PCDH9: variants seen among roughly 807,000 people sequenced by gnomAD.
The protein encoded by PCDH9 is protocadherin-9.
PCDH9 carries 24 observed loss-of-function variants against 70.6 expected under a neutral mutation model. That is an observed-to-expected ratio of 0.34 (90% CI 0.25 to 0.48). The LOEUF is 0.48. PCDH9 is among the 20% of genes least tolerant of loss of function. PCDH9 has a pLI of 0.99. For missense variants in PCDH9, 1,281 were observed against 1,503.6 expected, an observed-to-expected ratio of 0.85 and a Z score of 2.45; for synonymous variants, 562 against 558.5, an observed-to-expected ratio of 1.01 and a Z score of -0.09.
intron 4 of PCDH9, among the ~76,000 whole-genome samples, chr13:66,482,717 A>G (rs1470192929): frequency 6.6e-6 from 1 of 152,192 alleles, no homozygotes. Context: ...TTGCTATAAC[A>G]TGATTTACTT....
At chr13:66,796,747 C>A (rs765953920) in intron 3 of PCDH9, among the ~76,000 whole-genome samples, 2 of 151,802 alleles carry the variant, frequency 1.3e-5, no homozygotes, top group African/African-American at 4.8e-5. Context: ...AGCACAAAGC[C>A]TAGGAGATAT....
At position 67,195,916 on chromosome 13, in the gene PCDH9, G is replaced by T. The variant is rs574758668; in HGVS notation, c.3036+29489C>A. Among the ~76,000 whole-genome samples, 34 of 152,204 alleles carry T rather than the reference G, an allele frequency of 2.2e-4. No individual in the cohort carries two copies. In the South Asian group the frequency reaches 4.6e-3, roughly 20 times the overall value. On this transcript the variant is annotated intron_variant, in intron 2 of 4. Transcript: ENST00000377865. Reference sequence around the variant, plus strand: ...AACTGGTTTATAGGAATGGTTGCTCGACTTGATATGTTTACTAAACATTAT... The same window carrying T: ...AACTGGTTTATAGGAATGGTTGCTCTACTTGATATGTTTACTAAACATTAT...
chr13:66,386,660 GAAATATTCAT>G, intron 4 of PCDH9, among the ~76,000 whole-genome samples: 1 of 152,132 alleles, frequency 6.6e-6, no homozygotes, highest in East Asian at 1.9e-4. Flanking sequence ...GGGGTCCATA[GAAATATTCAT>G]ATAGTGATTG....
intron 4 of PCDH9, among the ~76,000 whole-genome samples, chr13:66,386,808 A>G (rs1956937412): frequency 6.6e-6 from 1 of 152,220 alleles, no homozygotes; most frequent in Non-Finnish European, 1.5e-5. Flanking sequence ...AATACCAGAC[A>G]GAGAACTAAA....
At chr13:66,542,908 G>A (rs2138661734) in intron 4 of PCDH9, among the ~76,000 whole-genome samples, 1 of 150,606 alleles carries the variant, frequency 6.6e-6, no homozygotes, top group East Asian at 1.9e-4. Context: ...TTAAAAAGGT[G>A]AGCCACATAG....
intron 2 of PCDH9, among the ~76,000 whole-genome samples, chr13:67,147,399 G>A (rs533810901): frequency 6.6e-6 from 1 of 152,280 alleles, no homozygotes; most frequent in East Asian, 1.9e-4. Flanking sequence ...CAGATATAAA[G>A]CTGGGAATGT....
chr13:66,957,222 T>C (rs1287437417), intron 2 of PCDH9, among the ~76,000 whole-genome samples: 1 of 152,178 alleles, frequency 6.6e-6, no homozygotes, highest in Non-Finnish European at 1.5e-5. Flanking sequence ...AATCCCAACA[T>C]CTTTCTGACA....
intron 4 of PCDH9, among the ~76,000 whole-genome samples, chr13:66,604,419 G>A (rs373827664): frequency 1.3e-5 from 2 of 152,050 alleles, no homozygotes; most frequent in East Asian, 3.9e-4. Flanking sequence ...TTCTGAGGAT[G>A]AGGCAAATAA....
chr13:66,635,526 C>T (rs949330820), intron 3 of PCDH9, among the ~76,000 whole-genome samples: 1 of 152,058 alleles, frequency 6.6e-6, no homozygotes, highest in Admixed American at 6.6e-5. Flanking sequence ...AGGTGACACA[C>T]TGGTTGGGTT....
At chr13:66,817,616 T>A (rs1345928550) in intron 3 of PCDH9, among the ~76,000 whole-genome samples, 1 of 152,144 alleles carries the variant, frequency 6.6e-6, no homozygotes, top group Non-Finnish European at 1.5e-5. Flanking sequence ...TAAATTTATT[T>A]TCATTTATTT....
At chr13:66,420,387 C>T (rs1360988011) in intron 4 of PCDH9, among the ~76,000 whole-genome samples, 2 of 152,188 alleles carry the variant, frequency 1.3e-5, no homozygotes, top group African/African-American at 4.8e-5. Flanking sequence ...GGAGACACCT[C>T]CCAGCAGGGG....
At chr13:67,163,622 G>T (rs1000772024) in intron 2 of PCDH9, among the ~76,000 whole-genome samples, 1 of 152,132 alleles carries the variant, frequency 6.6e-6, no homozygotes, top group Non-Finnish European at 1.5e-5. Flanking sequence ...TAATTCATAT[G>T]CCAGAGCAGA....
intron 4 of PCDH9, among the ~76,000 whole-genome samples, chr13:66,568,161 A>G (rs2076679329): frequency 6.6e-6 from 1 of 152,034 alleles, no homozygotes; most frequent in Non-Finnish European, 1.5e-5. Context: ...TCCTAATCAT[A>G]AGAAGAAGAA....
chr13:66,920,569 C>A (rs2082622313), intron 2 of PCDH9, among the ~76,000 whole-genome samples: 1 of 151,010 alleles, frequency 6.6e-6, no homozygotes, highest in Admixed American at 6.6e-5. Context: ...TCCATTCAAT[C>A]AAAAAATTAA....
intron 2 of PCDH9, chr13:67,207,609 A>T (rs993767099): frequency 3.9e-5 from 6 of 152,210 alleles, no homozygotes; most frequent in Admixed American, 6.5e-5. Context: ...AGATAATGGT[A>T]CCAAGGTGAA....
intron 2 of PCDH9, chr13:66,996,210 C>T (rs940562236): frequency 1.3e-5 from 2 of 152,172 alleles, no homozygotes; most frequent in Admixed American, 1.3e-4. Context: ...TTGAATGTTA[C>T]TATTTTTCCA....
chr13:66,664,327 G>T (rs1356825418), intron 3 of PCDH9, among the ~76,000 whole-genome samples: 1 of 152,116 alleles, frequency 6.6e-6, no homozygotes, highest in East Asian at 1.9e-4. Context: ...ATGTCATCAG[G>T]TTAAGAGAGG....
At chr13:67,216,289 T>C (rs1453394290) in intron 2 of PCDH9, 1 of 152,016 alleles carries the variant, frequency 6.6e-6, no homozygotes, top group African/African-American at 2.4e-5. Flanking sequence ...TGGCAGAAAA[T>C]CTTGCCATTT....
intron 4 of PCDH9, 137 bp from the exon 5 acceptor site, chr13:66,305,165 T>C: frequency 1.3e-6 from 1 of 754,442 alleles, no homozygotes; most frequent in Admixed American, 3.0e-5. Flanking sequence ...CTCAAAGATA[T>C]ATTTCTCCAT....
Sources: gnomAD v4.1 joint callset for allele counts (sites outside exome capture counted in the v4.1 genomes callset) on GRCh38, gnomAD v4.1.1 for gene constraint, MANE v1.5 for transcripts, NCBI Gene and HGNC (gene_info 2026-07-23, HGNC 2026-07-21) for gene names.